B3GALT1: variants seen among roughly 807,000 people sequenced by gnomAD.
B3GALT1 encodes UDP-Gal:betaGlcNAc beta 1,3-galactosyltransferase, polypeptide 1.
In B3GALT1, 10 loss-of-function variants were observed where a neutral mutation model predicts 23.2. That is an observed-to-expected ratio of 0.43 (90% CI 0.27 to 0.73). The LOEUF (loss-of-function observed/expected upper bound fraction) is 0.73, where lower values mean the gene tolerates loss of function less well. Ranked by LOEUF, B3GALT1 falls within the 30% of genes least tolerant of loss-of-function variation. The pLI is 0.21. For synonymous variants in B3GALT1, 156 were observed against 141.5 expected (o/e 1.10, Z -0.73); for missense variants, 299 against 405.4 (o/e 0.74, Z 2.25).
intron 3 of B3GALT1, among the ~76,000 whole-genome samples, chr2:167,762,501 TACC>T (rs1457794019): frequency 6.6e-6 from 1 of 150,712 alleles, no homozygotes; most frequent in East Asian, 2.0e-4. Context: ...GTCAAACAGA[TACC>T]TTAGGAGTCT....
intron 3 of B3GALT1, among the ~76,000 whole-genome samples, chr2:167,721,742 C>CCAAG (rs1404341487): frequency 6.6e-6 from 1 of 152,130 alleles, no homozygotes; most frequent in Non-Finnish European, 1.5e-5. Flanking sequence ...CTGACACATC[C>CCAAG]CAAGGAGAGC....
chr2:167,630,075 T>A (rs1427926468), intron 2 of B3GALT1, among the ~76,000 whole-genome samples: 1 of 151,752 alleles, frequency 6.6e-6, no homozygotes, highest in Non-Finnish European at 1.5e-5. Flanking sequence ...CCTTAGAGAA[T>A]TGAATTGACC....
At chr2:167,323,814 AT>A (rs1696848929) in intron 1 of B3GALT1, among the ~76,000 whole-genome samples, 2 of 151,084 alleles carry the variant, frequency 1.3e-5, no homozygotes, top group South Asian at 4.1e-4. Flanking sequence ...TCAGTACTTC[AT>A]GCTTGGTAGA....
At chr2:167,554,308 A>G (rs940206351) in intron 2 of B3GALT1, among the ~76,000 whole-genome samples, 8 of 152,224 alleles carry the variant, frequency 5.3e-5, no homozygotes, top group African/African-American at 1.9e-4. Flanking sequence ...GTTAGTTGCT[A>G]TGCTGTACAA....
At chr2:167,466,369 G>A (rs1324918887) in intron 1 of B3GALT1, among the ~76,000 whole-genome samples, 1 of 151,976 alleles carries the variant, frequency 6.6e-6, no homozygotes. Context: ...TGTAATCCTA[G>A]CACTTTGGGA....
intron 3 of B3GALT1, among the ~76,000 whole-genome samples, chr2:167,700,571 A>T (rs1671948968): frequency 6.6e-6 from 1 of 152,222 alleles, no homozygotes; most frequent in South Asian, 2.1e-4. Flanking sequence ...TATGATAGAA[A>T]TGTATGTCTT....
intron 1 of B3GALT1, among the ~76,000 whole-genome samples, chr2:167,386,451 G>A (rs544424362): frequency 6.6e-6 from 1 of 152,108 alleles, no homozygotes; most frequent in Non-Finnish European, 1.5e-5. Context: ...GAGCAACAGA[G>A]TAACCCAGGA....
At chr2:167,538,986 A>G (rs968509526) in intron 2 of B3GALT1, among the ~76,000 whole-genome samples, 13 of 152,316 alleles carry the variant, frequency 8.5e-5, no homozygotes, top group African/African-American at 3.1e-4. Context: ...TTGCCTTGTT[A>G]CTTGTATAAA....
chr2:167,308,235 A>C (rs990094507), intron 1 of B3GALT1, among the ~76,000 whole-genome samples: 26 of 152,042 alleles, frequency 1.7e-4, no homozygotes, highest in African/African-American at 6.3e-4. Flanking sequence ...ACAAGCTCAA[A>C]ACTGAGTTTT....
At chr2:167,350,995 G>A (rs1437930732) in intron 1 of B3GALT1, among the ~76,000 whole-genome samples, 4 of 152,074 alleles carry the variant, frequency 2.6e-5, no homozygotes, top group Non-Finnish European at 4.4e-5. Context: ...TCGGCTGGGC[G>A]TGGTGGCTCA....
At chr2:167,423,980 C>A (rs1170910585) in intron 1 of B3GALT1, among the ~76,000 whole-genome samples, 1 of 152,088 alleles carries the variant, frequency 6.6e-6, no homozygotes, top group Non-Finnish European at 1.5e-5. Flanking sequence ...GTAGACATGA[C>A]AACACGTTTT....
At chr2:167,713,723 G>A (rs1687098101) in intron 3 of B3GALT1, 1 of 1,544,478 alleles carries the variant, frequency 6.5e-7, no homozygotes. Flanking sequence ...AACCCTCAAG[G>A]GAACTTGCTT....
At chr2:167,787,717 A>T (rs1462793218) in intron 3 of B3GALT1, among the ~76,000 whole-genome samples, 1 of 152,178 alleles carries the variant, frequency 6.6e-6, no homozygotes, top group Non-Finnish European at 1.5e-5. Context: ...AGTGCTGCCA[A>T]ACCAGAGCCA....
intron 2 of B3GALT1, among the ~76,000 whole-genome samples, chr2:167,580,345 C>T (rs1224587115): frequency 6.6e-6 from 1 of 152,154 alleles, no homozygotes; most frequent in Non-Finnish European, 1.5e-5. Flanking sequence ...CTCTCCCCTC[C>T]AACCCCTCCG....
chr2:167,803,603 C>T (rs1381019570), intron 3 of B3GALT1, among the ~76,000 whole-genome samples: 1 of 152,088 alleles, frequency 6.6e-6, no homozygotes, highest in Non-Finnish European at 1.5e-5. Context: ...TCTGCAGAGC[C>T]GCATCAAGAC....
intron 3 of B3GALT1, among the ~76,000 whole-genome samples, chr2:167,689,728 A>T (rs1686679930): frequency 6.6e-6 from 1 of 152,144 alleles, no homozygotes; most frequent in South Asian, 2.1e-4. Flanking sequence ...GAATGAGATG[A>T]CAGGGACCCA....
chr2:167,544,495 C>G (rs1384851343), intron 2 of B3GALT1, among the ~76,000 whole-genome samples: 1 of 152,048 alleles, frequency 6.6e-6, no homozygotes, highest in Non-Finnish European at 1.5e-5. Context: ...TGGGGTTTCA[C>G]CATGTTGGCC....
intron 3 of B3GALT1, among the ~76,000 whole-genome samples, chr2:167,680,261 A>T (rs1378677203): frequency 6.6e-6 from 1 of 152,238 alleles, no homozygotes; most frequent in African/African-American, 2.4e-5. Context: ...ATTTGGAGTC[A>T]CCACGTTGCT....
rs187398374 is a variant in B3GALT1, at chr2:167,695,991, C to T, written c.-352+49025C>T. Among the ~76,000 whole-genome samples, 225 of 152,218 alleles carry T rather than the reference C, an allele frequency of 1.5e-3. 1 individual carries two copies. Among genetic ancestry groups the T allele is most frequent in the African/African-American group, 5.0e-3 (209 of 41,546 alleles). On this transcript the variant is annotated intron_variant, in intron 3 of 4. Transcript: ENST00000392690. ...TACACATCCCTTAGGTCATATTTCA[C>T]TGGCTAGAATGCAAGCACATGGCCA...
Sources: gnomAD v4.1 joint callset for allele counts (sites outside exome capture counted in the v4.1 genomes callset) on GRCh38, gnomAD v4.1.1 for gene constraint, MANE v1.5 for transcripts, NCBI Gene and HGNC (gene_info 2026-07-23, HGNC 2026-07-21) for gene names.